DEF8: variants seen among roughly 807,000 people sequenced by gnomAD.
The protein encoded by DEF8 is differentially expressed in FDCP 8 homolog, also known as DEF-8.
In DEF8, 38 loss-of-function variants were observed where a neutral mutation model predicts 59.1. The ratio of observed to expected loss-of-function variants is 0.64; its 90% confidence interval spans 0.50 to 0.84. DEF8 has a LOEUF of 0.84. DEF8 is among the 40% of genes least tolerant of loss of function. The pLI is 0.00. For synonymous variants in DEF8, 265 were observed against 250.1 expected, an observed-to-expected ratio of 1.06 and a Z score of -0.56; for missense variants, 557 against 615.2, an observed-to-expected ratio of 0.91 and a Z score of 1.00.
In DEF8 at chr16:89,954,956, T is replaced by C. The variant is rs1434976111; in HGVS notation, c.125-213T>C. 1.3e-5 allele frequency among the ~76,000 whole-genome samples: 2 copies of C among 152,094 alleles called. No individual in the cohort carries two copies. Among genetic ancestry groups the C allele is most frequent in the African/African-American group, 4.8e-5 (2 of 41,406 alleles). On this transcript the variant is annotated intron_variant, in intron 3 of 12. Coordinates refer to ENST00000563594, the MANE Select transcript of DEF8 (RefSeq NM_001242818.2). The surrounding 1 kb of genome is among the most constrained non-coding windows in gnomAD (Gnocchi z 4.3). Reference sequence around the variant, plus strand: ...TGTCATTCCACCTCCTCATTTTGAGTGGCTCTTTCCTGTCTACACAAGGCT... The same window carrying C: ...TGTCATTCCACCTCCTCATTTTGAGCGGCTCTTTCCTGTCTACACAAGGCT...
intron 2 of DEF8, 145 bp downstream of exon 2, chr16:89,949,658 C>A: frequency 6.3e-7 from 1 of 1,595,260 alleles, no homozygotes. Flanking sequence ...TCCCGCGTGT[C>A]CTGAGCTTCG....
At position 89,958,998 on chromosome 16, in the gene DEF8, G is replaced by A; in HGVS notation, c.373-16G>A. 1 of 1,608,670 alleles carries A rather than the reference G, an allele frequency of 6.2e-7. No homozygotes were observed. The highest frequency in any genetic ancestry group is 2.2e-5 in the East Asian group (1 of 44,880). The stretch of plus-strand genomic sequence containing the variant: ...CCAGCTCACCTGTGACCCCCTCCCT[G>A]ACTCACCCTCTGCAGGACCCCAATG... On this transcript the variant is annotated splice_polypyrimidine_tract_variant and intron_variant, in intron 5 of 12. Transcript: ENST00000563594.
intron 4 of DEF8, 95 bp downstream of exon 4, chr16:89,955,361 GC>G: frequency 2.9e-6 from 3 of 1,030,798 alleles, no homozygotes; most frequent in Non-Finnish European, 4.5e-6. Flanking sequence ...AGGTGGCAGG[GC>G]AGTGTCCTGT....
chr16:89,950,462 C>T (rs1175961527), intron 2 of DEF8: 2 of 466,004 alleles, frequency 4.3e-6, no homozygotes, highest in African/African-American at 2.1e-5. Context: ...AATCTCGGCT[C>T]ACTGCAACCT....
intron 6 of DEF8, among the ~76,000 whole-genome samples, chr16:89,959,843 CCAAGA>C (rs542447436): frequency 5.1e-4 from 78 of 152,262 alleles, no homozygotes; most frequent in Non-Finnish European, 1.1e-3. Context: ...AGGGAGCAAG[CCAAGA>C]CAATATGTCT....
rs201997674 is a variant in DEF8 at position 89,955,140 on chromosome 16, G to A, written c.125-29G>A. The A allele has an allele frequency of 6.0e-5, 94 of 1,572,574 alleles. 1 individual carries two copies. The highest frequency in any genetic ancestry group is 2.0e-4 in the Admixed American group (12 of 59,882). On this transcript the variant is annotated intron_variant, in intron 3 of 12. Coordinates refer to ENST00000563594, the MANE Select transcript of DEF8 (RefSeq NM_001242818.2). ...TGGGAGGCAGGAGGTAGCAGCTGAC[G>A]CTCCACACCTGTCCCCGTCTTCCTC... is the stretch of plus-strand genomic sequence containing the variant.
chr16:89,957,947 C>A, intron 5 of DEF8: 1 of 253,612 alleles, frequency 3.9e-6, no homozygotes, highest in African/African-American at 2.2e-5. Flanking sequence ...CTGGAAGATC[C>A]TCCAGTGTCA....
chr16:89,963,970 A>C, intron 10 of DEF8, 200 bp from the exon 11 acceptor site: 2 of 710,774 alleles, frequency 2.8e-6, no homozygotes, highest in Non-Finnish European at 2.5e-6. Context: ...GCGGGGGGCT[A>C]CACAGGTCAG....
rs1165613630 is a variant in DEF8, at chr16:89,964,455, G to GT, written c.1144-9dup. ...CGTGCCCGTGCCCCAACCCCACACT[G>GT]TTCCCCCCAGCGGTGCCAGGCCAAG... On this transcript the variant is annotated splice_polypyrimidine_tract_variant and intron_variant, in intron 11 of 12. Coordinates refer to ENST00000563594, the MANE Select transcript of DEF8 (RefSeq NM_001242818.2). 4 of 1,579,448 alleles carry GT rather than the reference G, an allele frequency of 2.5e-6. No homozygotes were observed. Among genetic ancestry groups the GT allele is most frequent in the Non-Finnish European group, 3.4e-6 (4 of 1,163,394 alleles).
At chr16:89,955,385 A>G in intron 4 of DEF8, 119 bp downstream of exon 4, 2 of 795,314 alleles carry the variant, frequency 2.5e-6, no homozygotes, top group South Asian at 1.6e-5. Context: ...GCTGGGGTAC[A>G]GTCTCACTCC....
chr16:89,959,205 C>T (rs1292620509), intron 6 of DEF8, 50 bp downstream of exon 6: 21 of 1,611,184 alleles, frequency 1.3e-5, no homozygotes, highest in Non-Finnish European at 1.8e-5. Context: ...ACCAAAGTTC[C>T]TGCCTCCGCT....
chr16:89,955,673 C>T (rs905993795), intron 4 of DEF8, among the ~76,000 whole-genome samples: 3 of 152,114 alleles, frequency 2.0e-5, no homozygotes, highest in Admixed American at 1.3e-4. Flanking sequence ...TTGTCTGCCT[C>T]GTACTGACCA....
Position 89,962,116 on chromosome 16 carries a change from G to T in DEF8, c.912G>T (p.Val304=). The change falls in exon 9 of 13, where the codon GTG becomes GTT. Residue 304 remains valine (V), a synonymous_variant. Transcript: ENST00000563594. The part of the protein sequence containing the change: ...PLLFSYVEEL[V]EIRKLRQDIL... Reference sequence around the variant, plus strand: ...TGTTCAGCTACGTGGAGGAGCTGGTGGAGATTCGCGTGAGGCTGGGGCCAT... The same window carrying T: ...TGTTCAGCTACGTGGAGGAGCTGGTTGAGATTCGCGTGAGGCTGGGGCCAT... 3 of 1,613,694 alleles carry T rather than the reference G, an allele frequency of 1.9e-6. No individual in the cohort carries two copies. Among genetic ancestry groups the T allele is most frequent in the Non-Finnish European group, 2.5e-6 (3 of 1,179,756 alleles).
In DEF8 at chr16:89,957,594, G is replaced by A. The variant is rs1335935042; in HGVS notation, c.306G>A (p.Gln102=). 29 of 1,585,740 alleles carry A rather than the reference G, an allele frequency of 1.8e-5. No homozygotes were observed. Among genetic ancestry groups the A allele is most frequent in the Non-Finnish European group, 2.3e-5 (27 of 1,166,668 alleles). Residue 102 remains glutamine (Q), a synonymous_variant, in exon 5 of 13, where the codon CAG becomes CAA. Coordinates refer to ENST00000563594, the MANE Select transcript of DEF8 (RefSeq NM_001242818.2). ...CKQVILELPE[Q]SEKQKDAVVR... is the part of the protein sequence containing the mutation. ...AGGTGATTCTGGAGCTGCCCGAGCA[G>A]TCGGAGAAGCAGAAGGATGCCGTGG... is the stretch of plus-strand genomic sequence containing the variant.
In DEF8 at chr16:89,948,830, C is replaced by CCGGCGGGGTCGGGGT; in HGVS notation, c.-108+30_-108+31insTCGGCGGGGTCGGGG. On this transcript the variant is annotated intron_variant, in intron 1 of 12. Coordinates refer to ENST00000563594, the MANE Select transcript of DEF8 (RefSeq NM_001242818.2). ...CGGCGGTCAGGTGAGCGGCGCGGGG[C>CCGGCGGGGTCGGGGT]CGGCGGGGTCGGGGCCGGCGGGGAC... 1.0e-6 allele frequency: 1 copy of CCGGCGGGGTCGGGGT among 965,866 alleles called. No individual in the cohort carries two copies. Among genetic ancestry groups the CCGGCGGGGTCGGGGT allele is most frequent in the African/African-American group, 2.1e-5 (1 of 48,676 alleles). 59.8% of individuals were successfully genotyped at this position (965,866 alleles called of 1,614,324 possible).
Position 89,965,895 on chromosome 16 carries a change from A to G in DEF8, c.1288A>G (p.Lys430Glu), listed in dbSNP as rs2034570882. Residue 430 changes from lysine to glutamate, a missense_variant, in exon 13 of 13, where the codon AAG (lysine) becomes GAG (glutamate). Physicochemically the swap from Lys to Glu is moderately conservative, Grantham distance 56. Transcript: ENST00000563594. The stretch of plus-strand genomic sequence containing the variant: ...CTACGACAACTCCACCACTTGTCCC[A>G]AGTGTGCCCGGCTCAGCCTGAGGAA... ...CYYDNSTTCP[K>E]CARLSLRKQS... 1 of 1,613,568 alleles carries G rather than the reference A, an allele frequency of 6.2e-7. No homozygotes were observed. The highest frequency in any genetic ancestry group is 1.3e-5 in the African/African-American group (1 of 74,912).
chr16:89,956,420 G>C (rs1354639500), intron 4 of DEF8: 1 of 149,708 alleles, frequency 6.7e-6, no homozygotes, highest in Non-Finnish European at 1.5e-5. Context: ...AGATCGTGCC[G>C]CTGCACTCCA....
chr16:89,964,327 G>C lies in DEF8; in HGVS notation c.1143+17G>C, dbSNP rs1299900595. ...GACTGCGAGGTGGGCCTCTGCCCGA[G>C]GGCCGCTCTTCTCCAACCCCAGCCC... On this transcript the variant is annotated intron_variant, in intron 11 of 12. Coordinates refer to ENST00000563594, the MANE Select transcript of DEF8 (RefSeq NM_001242818.2). 2 of 1,570,578 alleles carry C rather than the reference G, an allele frequency of 1.3e-6. No homozygotes were observed. The highest frequency in any genetic ancestry group is 1.7e-6 in the Non-Finnish European group (2 of 1,158,832).
intron 5 of DEF8, chr16:89,958,081 G>A (rs746101094): frequency 3.0e-5 from 5 of 164,528 alleles, no homozygotes; most frequent in African/African-American, 4.8e-5. Context: ...GAGCCTCCCT[G>A]TGCAGATGAC....
Sources: allele counts gnomAD v4.1 joint callset (sites outside exome capture counted in the v4.1 genomes callset), GRCh38; gene constraint gnomAD v4.1.1; non-coding constraint Gnocchi (gnomAD v3.1); transcripts MANE v1.5; gene names NCBI Gene and HGNC (gene_info 2026-07-23, HGNC 2026-07-21).